The following USP34 variants were observed in gnomAD, a reference collection of about 807,000 sequenced individuals.
The protein encoded by USP34 is ubiquitin carboxyl-terminal hydrolase 34.
A neutral mutation model predicts 460.3 loss-of-function variants in USP34; 70 were observed. The ratio of observed to expected loss-of-function variants is 0.15; its 90% confidence interval spans 0.13 to 0.19. The LOEUF (loss-of-function observed/expected upper bound fraction) is 0.19, where lower values mean the gene tolerates loss of function less well. Ranked by LOEUF, USP34 falls within the 10% of genes least tolerant of loss-of-function variation. The pLI is 1.00. For missense variants in USP34, 3,985 were observed against 4,236.2 expected, an observed-to-expected ratio of 0.94 and a Z score of 1.65; for synonymous variants, 1,647 against 1,405.3, an observed-to-expected ratio of 1.17 and a Z score of -3.85.
At chr2:61,239,178 T>G (rs958347588) in intron 53 of USP34, among the ~76,000 whole-genome samples, 1 of 152,088 alleles carries the variant, frequency 6.6e-6, no homozygotes, top group South Asian at 2.1e-4. Flanking sequence ...ATACTGGAAT[T>G]AGGCCAATTA....
chr2:61,205,985 T>G (rs994267122), intron 72 of USP34, 32 bp downstream of exon 72: 1 of 1,531,106 alleles, frequency 6.5e-7, no homozygotes, highest in Non-Finnish European at 9.0e-7. Context: ...TCCACTAGGT[T>G]TTTACACGGG....
In USP34 at chr2:61,206,882, A is replaced by C. The variant is rs1469180180; in HGVS notation, c.8924T>G (p.Phe2975Cys). 2 of 1,604,432 alleles carry C rather than the reference A, an allele frequency of 1.2e-6. No individual in the cohort carries two copies. Among genetic ancestry groups the C allele is most frequent in the Admixed American group, 1.8e-5 (1 of 57,002 alleles). ...GTGATACATCATGTGCAAAGTGTTG[A>C]AAGACTACAAATGATTTGAAAAAAT... The part of the protein sequence containing the change: ...NRGLILMTES[F>C]NTLHMMYHEA... The change falls in exon 71 of 80, where the codon TTC becomes TGC. Residue 2975 changes from phenylalanine to cysteine, a missense_variant. By Grantham distance (205) the Phe-to-Cys change is radical (BLOSUM62 -2). Transcript: ENST00000398571.
At chr2:61,290,430 C>T (rs1007687846) in intron 33 of USP34, among the ~76,000 whole-genome samples, 1 of 152,024 alleles carries the variant, frequency 6.6e-6, no homozygotes, top group African/African-American at 2.4e-5. Context: ...AACTGTAAGC[C>T]ACTCAAATGT....
chr2:61,386,585 T>C (rs1479034511), intron 5 of USP34, among the ~76,000 whole-genome samples: 1 of 151,822 alleles, frequency 6.6e-6, no homozygotes, highest in Non-Finnish European at 1.5e-5. Flanking sequence ...GCTCAGGAGA[T>C]CGAGACCATC....
intron 23 of USP34, among the ~76,000 whole-genome samples, chr2:61,315,319 G>A (rs921358137): frequency 2.0e-5 from 3 of 151,590 alleles, no homozygotes; most frequent in Non-Finnish European, 4.4e-5. Flanking sequence ...GAAAACCACT[G>A]CTTTCTTGTA....
chr2:61,292,485 G>A (rs369478345), intron 33 of USP34, among the ~76,000 whole-genome samples: 5 of 152,146 alleles, frequency 3.3e-5, no homozygotes, highest in East Asian at 1.9e-4. Context: ...CCTTTAGTAC[G>A]GGGGTGTCCA....
intron 61 of USP34, among the ~76,000 whole-genome samples, chr2:61,227,635 T>C (rs545494227): frequency 1.3e-5 from 2 of 151,870 alleles, no homozygotes; most frequent in African/African-American, 2.4e-5. Flanking sequence ...CGCCTGAACC[T>C]GGGAGGTGGG....
At chr2:61,416,407 T>A (rs1694194781) in intron 2 of USP34, among the ~76,000 whole-genome samples, 1 of 152,244 alleles carries the variant, frequency 6.6e-6, no homozygotes, top group African/African-American at 2.4e-5. Flanking sequence ...TCACCCTGGC[T>A]GGCGTCCAGA....
At chr2:61,237,306 C>T (rs1234920598) in intron 53 of USP34, among the ~76,000 whole-genome samples, 1 of 151,946 alleles carries the variant, frequency 6.6e-6, no homozygotes, top group Admixed American at 6.6e-5. Flanking sequence ...ATAAGGGAGC[C>T]CCATTCTAAA....
intron 18 of USP34, among the ~76,000 whole-genome samples, chr2:61,338,775 G>GA (rs1691502618): frequency 1.3e-5 from 2 of 151,404 alleles, no homozygotes; most frequent in South Asian, 4.2e-4. Context: ...TCAAACAAGA[G>GA]AAAAAAACAC....
At chr2:61,411,411 G>C (rs536277526) in intron 2 of USP34, among the ~76,000 whole-genome samples, 1 of 150,574 alleles carries the variant, frequency 6.6e-6, no homozygotes, top group East Asian at 1.9e-4. Context: ...AAAACTGAAA[G>C]CAAGATAAGT....
chr2:61,386,188 A>G (rs1412899956), intron 5 of USP34, among the ~76,000 whole-genome samples: 2 of 152,042 alleles, frequency 1.3e-5, no homozygotes, highest in African/African-American at 4.8e-5. Flanking sequence ...CATTGTAGTG[A>G]TGAGGCATGA....
intron 1 of USP34, among the ~76,000 whole-genome samples, chr2:61,467,881 A>T (rs1382206869): frequency 6.6e-6 from 1 of 151,998 alleles, no homozygotes; most frequent in Non-Finnish European, 1.5e-5. Context: ...TCGGCCTCCC[A>T]AAGTGTTGGG....
At position 61,301,082 on chromosome 2, in the gene USP34, G is replaced by A; in HGVS notation, c.3997C>T (p.Pro1333Ser). The A allele has an allele frequency of 6.2e-7, 1 of 1,614,036 alleles. No individual in the cohort carries two copies. The highest frequency in any genetic ancestry group is 8.5e-7 in the Non-Finnish European group (1 of 1,179,996). The change falls in exon 29 of 80, where the codon CCC (proline) becomes TCC (serine). Residue 1333 changes from proline to serine, a missense_variant. Physicochemically the swap from Pro to Ser is moderately conservative, Grantham distance 74. This residue lies in a region of USP34 where 1,114 missense variants were observed against 1,122.5 expected (regional missense o/e 0.99). Transcript: ENST00000398571. ...GVQLPASCLP[P>S]PQKDNIPMLL... ...ATTGGAATGTTGTCCTTCTGAGGGG[G>A]TGGGAGGCAAGATGCTGGCAGCTGA...
At chr2:61,395,674 T>C (rs1190695078) in intron 3 of USP34, among the ~76,000 whole-genome samples, 1 of 146,776 alleles carries the variant, frequency 6.8e-6, no homozygotes, top group Admixed American at 6.9e-5. Context: ...TAGTCCCAGC[T>C]ACTCGGGAGG....
At chr2:61,321,590 T>C (rs1690925205) in intron 21 of USP34, among the ~76,000 whole-genome samples, 1 of 152,192 alleles carries the variant, frequency 6.6e-6, no homozygotes, top group South Asian at 2.1e-4. Context: ...GAAACACCAA[T>C]ATAGCCAGAA....
intron 1 of USP34, among the ~76,000 whole-genome samples, chr2:61,470,224 G>A (rs540888370): frequency 6.6e-6 from 1 of 152,128 alleles, no homozygotes; most frequent in Non-Finnish European, 1.5e-5. Context: ...GAGAGGCCTC[G>A]GCAGCACGCT....
chr2:61,281,820 G>A (rs943163252), intron 37 of USP34, among the ~76,000 whole-genome samples: 2 of 152,120 alleles, frequency 1.3e-5, no homozygotes, highest in South Asian at 2.1e-4. Context: ...AATCATTTAA[G>A]TTATTTACAA....
intron 41 of USP34, among the ~76,000 whole-genome samples, chr2:61,275,278 C>T (rs928263879): frequency 6.6e-6 from 1 of 152,004 alleles, no homozygotes; most frequent in Non-Finnish European, 1.5e-5. Context: ...GACCCCGTCT[C>T]AAAGATAATA....
Sources: allele counts gnomAD v4.1 joint callset (sites outside exome capture counted in the v4.1 genomes callset), GRCh38; gene constraint gnomAD v4.1.1; regional missense constraint gnomAD v4.1.1; transcripts MANE v1.5; gene names NCBI Gene and HGNC (gene_info 2026-07-23, HGNC 2026-07-21).